PTPRG: variants seen among roughly 807,000 people sequenced by gnomAD.
PTPRG encodes protein tyrosine phosphatase receptor type G, also known as receptor-type tyrosine-protein phosphatase gamma.
Under a neutral mutation model 165.3 loss-of-function variants are expected in PTPRG, and 102 were observed. The ratio of observed to expected loss-of-function variants is 0.62; its 90% confidence interval spans 0.53 to 0.73. PTPRG has a LOEUF of 0.73. Ranked by LOEUF, PTPRG falls within the 30% of genes least tolerant of loss-of-function variation. The probability of loss-of-function intolerance (pLI) is 0.00; values close to 1 mark genes in which losing one functional copy is unlikely to be tolerated. For missense variants in PTPRG, 1,866 were observed against 1,861.4 expected, an observed-to-expected ratio of 1.00 and a Z score of -0.05; for synonymous variants, 675 against 669.5, an observed-to-expected ratio of 1.01 and a Z score of -0.13.
chr3:61,664,968 G>A (rs992869755), intron 1 of PTPRG, among the ~76,000 whole-genome samples: 1 of 152,192 alleles, frequency 6.6e-6, no homozygotes, highest in Non-Finnish European at 1.5e-5. Context: ...AATTTTTCTT[G>A]GAACCACTAG....
chr3:62,243,636 C>A (rs1238812373), intron 14 of PTPRG, 171 bp from the exon 15 acceptor site: 1 of 480,828 alleles, frequency 2.1e-6, no homozygotes, highest in Non-Finnish European at 3.7e-6. Context: ...CAATTTTGGG[C>A]CCCTCCAACA....
At chr3:61,892,245 G>A in intron 2 of PTPRG, among the ~76,000 whole-genome samples, 1 of 152,114 alleles carries the variant, frequency 6.6e-6, no homozygotes, top group Non-Finnish European at 1.5e-5. Flanking sequence ...TTCTTCTTTT[G>A]AGACAGAGTC....
chr3:61,573,509 T>C (rs1559508369), intron 1 of PTPRG, among the ~76,000 whole-genome samples: 1 of 152,178 alleles, frequency 6.6e-6, no homozygotes, highest in Non-Finnish European at 1.5e-5. Flanking sequence ...AGATGGAAGA[T>C]TTGAGGGGAT....
chr3:61,706,334 T>C (rs1041016345), intron 1 of PTPRG, among the ~76,000 whole-genome samples: 3 of 152,088 alleles, frequency 2.0e-5, no homozygotes, highest in African/African-American at 7.2e-5. Flanking sequence ...TTACTAATAA[T>C]TGGAACATAT....
chr3:61,916,643 T>G (rs2038943591), intron 2 of PTPRG, among the ~76,000 whole-genome samples: 1 of 152,236 alleles, frequency 6.6e-6, no homozygotes, highest in African/African-American at 2.4e-5. Context: ...TATTTATCTT[T>G]TAATCATTAT....
chr3:61,713,327 A>ATTTTTTTTTTTTT (rs556907427), intron 1 of PTPRG, among the ~76,000 whole-genome samples: 3 of 135,500 alleles, frequency 2.2e-5, no homozygotes, highest in Non-Finnish European at 4.8e-5. Flanking sequence ...CGCTCAGCTA[A>ATTTTTTTTTTTTT]TTTTTTTTTT....
At chr3:61,758,009 C>T (rs902911330) in intron 2 of PTPRG, among the ~76,000 whole-genome samples, 24 of 152,170 alleles carry the variant, frequency 1.6e-4, no homozygotes, top group Non-Finnish European at 3.2e-4. Context: ...CCTAACAAAA[C>T]GTTCTCTTTC....
Position 61,713,830 on chromosome 3 carries a change from T to C in PTPRG, c.86-35048T>C, listed in dbSNP as rs568574537. Among the ~76,000 whole-genome samples the C allele has an allele frequency of 5.9e-5, 9 of 152,336 alleles. No homozygotes were observed. In the East Asian group the frequency reaches 1.7e-3, roughly 29 times the overall value. On this transcript the variant is annotated intron_variant, in intron 1 of 29. Coordinates refer to ENST00000474889, the MANE Select transcript of PTPRG (RefSeq NM_002841.4). Reference sequence around the variant, plus strand: ...CTTATTAGATGGCCTGCACAAGTTATGTGCCCATTTCCATTTGTTAATAGA... The same window carrying C: ...CTTATTAGATGGCCTGCACAAGTTACGTGCCCATTTCCATTTGTTAATAGA...
intron 6 of PTPRG, among the ~76,000 whole-genome samples, chr3:62,135,206 C>G (rs1198523782): frequency 6.8e-6 from 1 of 148,036 alleles, no homozygotes; most frequent in Non-Finnish European, 1.5e-5. Context: ...CCCAGGAGAT[C>G]GAGGCTGTAG....
At chr3:61,781,473 G>T (rs951121719) in intron 2 of PTPRG, among the ~76,000 whole-genome samples, 3 of 152,154 alleles carry the variant, frequency 2.0e-5, no homozygotes, top group African/African-American at 4.8e-5. Context: ...GTGGATCAGT[G>T]AATTTGGGAT....
In PTPRG at chr3:62,163,614, G is replaced by C. The variant is rs575044586; in HGVS notation, c.841-4357G>C. 2.6e-5 allele frequency among the ~76,000 whole-genome samples: 4 copies of C among 152,324 alleles called. No homozygotes were observed. The East Asian group carries it at 7.7e-4, about 29-fold the overall frequency. ...TAAGGGGGATAAGGAAGGGAAGGTT[G>C]ATACAGCATTTTACAGTTGTTGTAA... On this transcript the variant is annotated intron_variant, in intron 7 of 29. Coordinates refer to ENST00000474889, the MANE Select transcript of PTPRG (RefSeq NM_002841.4).
At chr3:61,641,040 G>C (rs570917616) in intron 1 of PTPRG, among the ~76,000 whole-genome samples, 22 of 152,260 alleles carry the variant, frequency 1.4e-4, no homozygotes, top group Middle Eastern at 3.4e-3. Context: ...GTCCAGGCAG[G>C]TTATCTTCTA....
chr3:61,909,999 C>CTCT (rs2038760160), intron 2 of PTPRG, among the ~76,000 whole-genome samples: 1 of 152,090 alleles, frequency 6.6e-6, no homozygotes, highest in South Asian at 2.1e-4. Context: ...TTTTGCTTTA[C>CTCT]TTCATTTTTC....
chr3:61,862,692 G>T (rs1276022287), intron 2 of PTPRG, among the ~76,000 whole-genome samples: 2 of 152,112 alleles, frequency 1.3e-5, no homozygotes, highest in Non-Finnish European at 2.9e-5. Flanking sequence ...ACCGTGCCCG[G>T]CCTGATGTTA....
chr3:61,738,487 A>C (rs2032849365), intron 1 of PTPRG, among the ~76,000 whole-genome samples: 2 of 151,388 alleles, frequency 1.3e-5, no homozygotes, highest in Admixed American at 1.3e-4. Flanking sequence ...GTTTGGCACA[A>C]AGTTACTAAC....
At chr3:61,899,552 G>A (rs1319485769) in intron 2 of PTPRG, among the ~76,000 whole-genome samples, 1 of 152,084 alleles carries the variant, frequency 6.6e-6, no homozygotes, top group Non-Finnish European at 1.5e-5. Flanking sequence ...AGTCTTGCTT[G>A]GAACATTGCT....
Position 62,221,096 on chromosome 3 carries a change from C to T in PTPRG, c.2288+2113C>T, listed in dbSNP as rs181922239. ...TCATGTAGTAAACAGCTTTAAAATC[C>T]TTCCATTCAAGATGTATTTTCCCTT... is the stretch of plus-strand genomic sequence containing the variant. On this transcript the variant is annotated intron_variant, in intron 13 of 29. Transcript: ENST00000474889. Among the ~76,000 whole-genome samples, 27 of 152,280 alleles carry T rather than the reference C, an allele frequency of 1.8e-4. No individual in the cohort carries two copies. The East Asian group carries it at 5.0e-3, about 28-fold the overall frequency.
chr3:61,944,334 T>TA, intron 2 of PTPRG, among the ~76,000 whole-genome samples: 1 of 152,204 alleles, frequency 6.6e-6, no homozygotes, highest in Non-Finnish European at 1.5e-5. Context: ...GAGCGCATCT[T>TA]ACAACTGATG....
intron 8 of PTPRG, among the ~76,000 whole-genome samples, chr3:62,173,774 G>C (rs1327584756): frequency 6.6e-6 from 1 of 152,158 alleles, no homozygotes; most frequent in Non-Finnish European, 1.5e-5. Context: ...TCGTGAACTT[G>C]AGGCAGCCAG....
Sources: gnomAD v4.1 joint callset for allele counts (sites outside exome capture counted in the v4.1 genomes callset) on GRCh38, gnomAD v4.1.1 for gene constraint, MANE v1.5 for transcripts, NCBI Gene and HGNC (gene_info 2026-07-23, HGNC 2026-07-21) for gene names.